KDM3B: variants seen among roughly 807,000 people sequenced by gnomAD.
KDM3B encodes lysine demethylase 3B, also known as lysine-specific demethylase 3B.
KDM3B carries 10 observed loss-of-function variants against 170.0 expected under a neutral mutation model. The ratio of observed to expected loss-of-function variants is 0.06; its 90% CI spans 0.04 to 0.10. The LOEUF is 0.10. KDM3B is among the 10% of genes least tolerant of loss of function. KDM3B has a pLI of 1.00. For missense variants in KDM3B, 1,394 were observed against 2,195.2 expected (o/e 0.64, Z 7.29); for synonymous variants, 831 against 834.8 (o/e 1.00, Z 0.08).
intron 1 of KDM3B, among the ~76,000 whole-genome samples, chr5:138,362,551 TACACACAC>T (rs370412367): frequency 9.6e-5 from 12 of 124,682 alleles, no homozygotes; most frequent in Non-Finnish European, 1.8e-4. Flanking sequence ...TATATGTGTA[TACACACAC>T]ACACACACAC....
At chr5:138,435,509 G>C (rs1194222733) in intron 23 of KDM3B, 111 bp from the exon 24 acceptor site, 1 of 753,076 alleles carries the variant, frequency 1.3e-6, no homozygotes, top group Non-Finnish European at 2.3e-6. Context: ...ATACAGGAAC[G>C]CACAGTCCTT....
intron 11 of KDM3B, among the ~76,000 whole-genome samples, chr5:138,400,830 C>A (rs1377219040): frequency 6.6e-6 from 1 of 152,070 alleles, no homozygotes; most frequent in East Asian, 1.9e-4. Context: ...CCTGACAACC[C>A]ATACCTGTTA....
intron 7 of KDM3B, among the ~76,000 whole-genome samples, chr5:138,389,780 C>G (rs56336506): frequency 0.15 from 18,258 of 119,510 alleles, 1,501 homozygotes; most frequent in South Asian, 0.3. Flanking sequence ...CTCTCTCTCT[C>G]TCTGTGTGTG....
At chr5:138,359,934 G>A (rs1476906197) in intron 1 of KDM3B, among the ~76,000 whole-genome samples, 1 of 152,044 alleles carries the variant, frequency 6.6e-6, no homozygotes. Flanking sequence ...CAATGTCTAG[G>A]CTAGTACTAT....
intron 1 of KDM3B, among the ~76,000 whole-genome samples, chr5:138,359,716 G>A (rs1435818255): frequency 2.0e-5 from 3 of 152,088 alleles, no homozygotes; most frequent in Admixed American, 1.3e-4. Flanking sequence ...TTTTCTTTCT[G>A]TAGGTGTAAT....
intron 6 of KDM3B, among the ~76,000 whole-genome samples, chr5:138,382,238 A>C (rs1762143242): frequency 6.6e-6 from 1 of 152,120 alleles, no homozygotes; most frequent in South Asian, 2.1e-4. Context: ...ACCTGAGGTC[A>C]GGAATTCAAG....
chr5:138,354,049 A>T (rs1463977222), intron 1 of KDM3B, among the ~76,000 whole-genome samples: 2 of 152,220 alleles, frequency 1.3e-5, no homozygotes, highest in Non-Finnish European at 2.9e-5. Context: ...TTTTGCAGAT[A>T]TAAACGGGAA....
intron 1 of KDM3B, among the ~76,000 whole-genome samples, chr5:138,357,475 C>T (rs527952661): frequency 8.6e-5 from 13 of 151,808 alleles, no homozygotes; most frequent in Admixed American, 5.2e-4. Flanking sequence ...GTGATCCTTC[C>T]GCCTCAGCCT....
rs1762425689 is a variant in KDM3B at position 138,391,408 on chromosome 5, A to G, written c.1776A>G (p.Lys592=). The G allele has an allele frequency of 8.1e-6, 13 of 1,613,598 alleles. No individual in the cohort carries two copies. Among genetic ancestry groups the G allele is most frequent in the Non-Finnish European group, 9.3e-6 (11 of 1,179,654 alleles). ...GSKAGSSVDR[K]VPAESMPTLT... ...AGGCTGGCAGCTCTGTGGACCGGAA[A>G]GTGCCTGCAGAGTCCATGCCCACCC... The change falls in exon 8 of 24, where the codon AAA becomes AAG. Residue 592 remains lysine (K), a synonymous_variant. Transcript: ENST00000314358. This position sits in a 1 kb window ranked among gnomAD's most constrained non-coding sequence, Gnocchi z 5.0.
rs1239326095 is a variant in KDM3B at position 138,379,770 on chromosome 5, A to G, written c.705+62A>G. The G allele has an allele frequency of 9.4e-6, 14 of 1,482,320 alleles. No individual in the cohort carries two copies. The Admixed American group carries it at 2.8e-4, about 29-fold the overall frequency. 91.8% of individuals were successfully genotyped at this position (1,482,320 alleles called of 1,614,324 possible). On this transcript the variant is annotated intron_variant, in intron 5 of 23. Coordinates refer to ENST00000314358, the MANE Select transcript of KDM3B (RefSeq NM_016604.4). ...TCCCCTTAAAGAGGATGGTTTAGAT[A>G]GGCGAGCACTTCATTATGTGTAAGA...
At chr5:138,400,109 C>T in intron 11 of KDM3B, 97 bp downstream of exon 11, 1 of 1,172,700 alleles carries the variant, frequency 8.5e-7, no homozygotes, top group East Asian at 2.4e-5. Context: ...GGGCTTATGC[C>T]TCTCTTTAGC....
intron 1 of KDM3B, among the ~76,000 whole-genome samples, chr5:138,355,240 T>C (rs1289827543): frequency 6.6e-6 from 1 of 152,208 alleles, no homozygotes; most frequent in African/African-American, 2.4e-5. Context: ...GCGCCCCCTT[T>C]TAAGGATGAG....
chr5:138,434,103 T>C (rs2127011980), intron 23 of KDM3B, among the ~76,000 whole-genome samples: 1 of 152,268 alleles, frequency 6.6e-6, no homozygotes, highest in South Asian at 2.1e-4. Flanking sequence ...ATAACACCTT[T>C]CCCGAGCTAG....
intron 7 of KDM3B, among the ~76,000 whole-genome samples, chr5:138,388,056 G>A (rs1762327450): frequency 6.6e-6 from 1 of 152,034 alleles, no homozygotes; most frequent in African/African-American, 2.4e-5. Context: ...ACTCCAGCCT[G>A]GGCGACAGAG....
At chr5:138,361,244 AT>A (rs1265392555) in intron 1 of KDM3B, among the ~76,000 whole-genome samples, 1 of 151,776 alleles carries the variant, frequency 6.6e-6, no homozygotes, top group African/African-American at 2.4e-5. Flanking sequence ...CGAAAGCATC[AT>A]CTTTTGCTCT....
At chr5:138,425,673 C>G (rs1318866180) in intron 17 of KDM3B, 91 bp downstream of exon 17, 2 of 1,169,974 alleles carry the variant, frequency 1.7e-6, no homozygotes, top group African/African-American at 3.1e-5. Flanking sequence ...AAATTATATT[C>G]TGGGGCATAA....
chr5:138,396,410 T>G (rs1762548348), intron 9 of KDM3B, among the ~76,000 whole-genome samples: 1 of 152,082 alleles, frequency 6.6e-6, no homozygotes, highest in South Asian at 2.1e-4. Flanking sequence ...TAGACAACTC[T>G]TTAGAGGAAC....
intron 1 of KDM3B, among the ~76,000 whole-genome samples, chr5:138,357,529 A>G (rs1437826548): frequency 6.7e-6 from 1 of 149,068 alleles, no homozygotes; most frequent in Non-Finnish European, 1.5e-5. Context: ...ACGTCTGGCA[A>G]ATGTTTGTAT....
chr5:138,396,091 A>G (rs953681356), intron 9 of KDM3B, among the ~76,000 whole-genome samples: 9 of 151,840 alleles, frequency 5.9e-5, no homozygotes, highest in Non-Finnish European at 7.4e-5. Flanking sequence ...ACCTATGGCA[A>G]TGAGTATAGA....
Sources: allele counts gnomAD v4.1 joint callset (sites outside exome capture counted in the v4.1 genomes callset), GRCh38; gene constraint gnomAD v4.1.1; non-coding constraint Gnocchi (gnomAD v3.1); transcripts MANE v1.5; gene names NCBI Gene and HGNC (gene_info 2026-07-23, HGNC 2026-07-21).